Variants in CCBE1 observed in about 807,000 individuals in gnomAD.
CCBE1 encodes the protein collagen and calcium binding EGF domains 1.
In CCBE1, 37 loss-of-function variants were observed where a neutral mutation model predicts 50.0. That is an observed-to-expected ratio of 0.74 (90% CI 0.57 to 0.97). The LOEUF (loss-of-function observed/expected upper bound fraction) is 0.97, where lower values mean the gene tolerates loss of function less well. Among genes scored for constraint, CCBE1 ranks in the 50% least tolerant of loss-of-function variants. The pLI is 0.00. For missense variants in CCBE1, 538 were observed against 523.8 expected (o/e 1.03, Z -0.26); for synonymous variants, 234 against 203.7 (o/e 1.15, Z -1.27).
At chr18:59,624,031 T>C (rs1423193947) in intron 2 of CCBE1, among the ~76,000 whole-genome samples, 2 of 152,204 alleles carry the variant, frequency 1.3e-5, no homozygotes, top group South Asian at 4.1e-4. Flanking sequence ...CTGAACTTAG[T>C]AGCGGAATTA....
rs755608387 is a variant in CCBE1, at chr18:59,697,202, C to T, written c.131+10G>A. ...GGAGCTCGCCCTCCGCTGGGGCTTG[C>T]AGCGCTTACCTGTCGCCGTCCTCCG... On this transcript the variant is annotated intron_variant, in intron 1 of 10. Transcript: ENST00000439986. 486 of 1,548,336 alleles carry T rather than the reference C, an allele frequency of 3.1e-4. 1 individual carries two copies. The highest frequency in any genetic ancestry group is 4.0e-4 in the Non-Finnish European group (460 of 1,146,704).
chr18:59,590,964 G>GATCAAGTT (rs1359469635), intron 2 of CCBE1, among the ~76,000 whole-genome samples: 4 of 98,106 alleles, frequency 4.1e-5, no homozygotes, highest in South Asian at 3.2e-4. Context: ...TGCTAAGTAG[G>GATCAAGTT]CCGGGCGCGG....
At chr18:59,550,519 CT>C (rs1451294711) in intron 2 of CCBE1, among the ~76,000 whole-genome samples, 3 of 152,190 alleles carry the variant, frequency 2.0e-5, no homozygotes, top group African/African-American at 7.2e-5. Flanking sequence ...CCTGGTCAAT[CT>C]TTTCCTTCCT....
chr18:59,490,160 T>C (rs2143802959), intron 2 of CCBE1, among the ~76,000 whole-genome samples: 1 of 152,156 alleles, frequency 6.6e-6, no homozygotes, highest in East Asian at 1.9e-4. Context: ...ATTTTTTGTA[T>C]TTTTAGTAGA....
At chr18:59,513,909 C>A (rs1914248141) in intron 2 of CCBE1, among the ~76,000 whole-genome samples, 1 of 152,192 alleles carries the variant, frequency 6.6e-6, no homozygotes, top group Non-Finnish European at 1.5e-5. Context: ...CTATGCCACA[C>A]TTGGGCCATC....
intron 2 of CCBE1, among the ~76,000 whole-genome samples, chr18:59,615,691 C>T (rs889021450): frequency 6.6e-6 from 1 of 152,116 alleles, no homozygotes; most frequent in Admixed American, 6.5e-5. Flanking sequence ...CTGCCTCGTT[C>T]CATAAGGTAT....
chr18:59,605,854 T>A (rs1354039170), intron 2 of CCBE1, among the ~76,000 whole-genome samples: 1 of 152,060 alleles, frequency 6.6e-6, no homozygotes, highest in Non-Finnish European at 1.5e-5. Flanking sequence ...GGATAAGCTA[T>A]CCTCCCTCTA....
At chr18:59,596,049 A>T (rs985201720) in intron 2 of CCBE1, among the ~76,000 whole-genome samples, 1 of 152,258 alleles carries the variant, frequency 6.6e-6, no homozygotes, top group African/African-American at 2.4e-5. Context: ...TTTTAATTCT[A>T]TAAACAAATC....
intron 2 of CCBE1, among the ~76,000 whole-genome samples, chr18:59,691,216 A>G (rs1475934766): frequency 6.6e-6 from 1 of 152,250 alleles, no homozygotes; most frequent in Non-Finnish European, 1.5e-5. Flanking sequence ...GCATGGAGCT[A>G]GCCTCTGAGG....
chr18:59,560,485 A>C (rs879480622), intron 2 of CCBE1, among the ~76,000 whole-genome samples: 1 of 152,172 alleles, frequency 6.6e-6, no homozygotes, highest in Admixed American at 6.5e-5. Flanking sequence ...GCATTAGGAC[A>C]AATACCTAAT....
intron 3 of CCBE1, among the ~76,000 whole-genome samples, chr18:59,477,755 GGTTA>G (rs1319717359): frequency 6.6e-6 from 1 of 152,152 alleles, no homozygotes; most frequent in African/African-American, 2.4e-5. Context: ...CTGGGGAAAG[GGTTA>G]GTGTGTTTCA....
chr18:59,672,458 G>T (rs1038744928), intron 2 of CCBE1, among the ~76,000 whole-genome samples: 1 of 152,176 alleles, frequency 6.6e-6, no homozygotes, highest in African/African-American at 2.4e-5. Flanking sequence ...CTCTGCACTT[G>T]GAATGCTTAT....
chr18:59,508,958 T>C (rs1439287867), intron 2 of CCBE1, among the ~76,000 whole-genome samples: 4 of 152,184 alleles, frequency 2.6e-5, no homozygotes, highest in Admixed American at 1.3e-4. Context: ...TTTTTAATAG[T>C]ATGCAGCCCA....
At chr18:59,581,915 T>C (rs1302408401) in intron 2 of CCBE1, among the ~76,000 whole-genome samples, 1 of 152,196 alleles carries the variant, frequency 6.6e-6, no homozygotes, top group African/African-American at 2.4e-5. Context: ...CAGTTCCATT[T>C]AGTGTTTTGG....
chr18:59,513,369 C>T (rs756041717), intron 2 of CCBE1, among the ~76,000 whole-genome samples: 7 of 152,072 alleles, frequency 4.6e-5, no homozygotes, highest in Non-Finnish European at 1.0e-4. Flanking sequence ...GAAGAATTAG[C>T]GGGAAAGTAA....
At chr18:59,457,927 G>GC (rs1911272305) in intron 5 of CCBE1, among the ~76,000 whole-genome samples, 1 of 152,212 alleles carries the variant, frequency 6.6e-6, no homozygotes, top group African/African-American at 2.4e-5. Flanking sequence ...AAGGGCTGAC[G>GC]CCTTAACTTT....
chr18:59,521,452 G>A (rs141461804), intron 2 of CCBE1, among the ~76,000 whole-genome samples: 2 of 152,184 alleles, frequency 1.3e-5, no homozygotes, highest in African/African-American at 4.8e-5. Flanking sequence ...TCTTCAGGAA[G>A]CATTTCCCAA....
intron 2 of CCBE1, among the ~76,000 whole-genome samples, chr18:59,606,507 A>G (rs992797392): frequency 1.7e-4 from 26 of 152,192 alleles, no homozygotes; most frequent in Non-Finnish European, 5.9e-5. Context: ...AGTAGTAAAC[A>G]TAACTTTACT....
intron 2 of CCBE1, among the ~76,000 whole-genome samples, chr18:59,591,390 A>C (rs1321762733): frequency 6.6e-6 from 1 of 152,184 alleles, no homozygotes; most frequent in African/African-American, 2.4e-5. Flanking sequence ...AAGCAAAGTC[A>C]AAGAACAAAA....
Sources: allele counts gnomAD v4.1 joint callset (sites outside exome capture counted in the v4.1 genomes callset), GRCh38; gene constraint gnomAD v4.1.1; transcripts MANE v1.5; gene names NCBI Gene and HGNC (gene_info 2026-07-23, HGNC 2026-07-21).